Variants in CSRNP3 observed in about 807,000 individuals in gnomAD.
The protein encoded by CSRNP3 is cysteine and serine rich nuclear protein 3, also known as cysteine/serine-rich nuclear protein 3.
CSRNP3 carries 12 observed loss-of-function variants against 48.0 expected under a neutral mutation model. That is an observed-to-expected ratio of 0.25 (90% CI 0.16 to 0.41). The LOEUF (loss-of-function observed/expected upper bound fraction) is 0.41. Ranked by LOEUF, CSRNP3 falls within the 10% of genes least tolerant of loss-of-function variation. The pLI is 1.00. For missense variants in CSRNP3, 580 were observed against 724.4 expected (o/e 0.80, Z 2.29); for synonymous variants, 263 against 269.7 (o/e 0.98, Z 0.24).
chr2:165,578,441 G>C lies in CSRNP3; in HGVS notation c.-23-16602G>C, dbSNP rs971664046. On this transcript the variant is annotated intron_variant, in intron 3 of 6. Transcript: ENST00000651982. ...AAATCTCACTAATATAATATGTTAA[G>C]ATACACAAAGCAGCTAATACCATTT... 5.9e-5 allele frequency among the ~76,000 whole-genome samples: 9 copies of C among 152,114 alleles called. No individual in the cohort carries two copies. The South Asian group carries it at 1.2e-3, about 21-fold the overall frequency.
At chr2:165,560,729 C>G (rs1307705891) in intron 3 of CSRNP3, among the ~76,000 whole-genome samples, 1 of 152,174 alleles carries the variant, frequency 6.6e-6, no homozygotes, top group Admixed American at 6.5e-5. Context: ...GGTGTACTCT[C>G]TAAAAGCAAA....
intron 4 of CSRNP3, among the ~76,000 whole-genome samples, chr2:165,605,623 A>G (rs1310887802): frequency 2.6e-5 from 4 of 152,288 alleles, no homozygotes; most frequent in Admixed American, 2.6e-4. Context: ...CATTTTAAAA[A>G]TATAGATGCA....
chr2:165,612,292 T>C (rs2105310922), intron 4 of CSRNP3, among the ~76,000 whole-genome samples: 1 of 152,194 alleles, frequency 6.6e-6, no homozygotes, highest in East Asian at 1.9e-4. Context: ...AAGAGTACTA[T>C]ATGACCTGCA....
At chr2:165,605,242 C>T (rs530877681) in intron 4 of CSRNP3, among the ~76,000 whole-genome samples, 1 of 152,196 alleles carries the variant, frequency 6.6e-6, no homozygotes, top group Non-Finnish European at 1.5e-5. Context: ...GCCTTCTCTC[C>T]ATCTCCAAAC....
chr2:165,530,290 A>C (rs958048957), intron 3 of CSRNP3, among the ~76,000 whole-genome samples: 1 of 152,132 alleles, frequency 6.6e-6, no homozygotes, highest in African/African-American at 2.4e-5. Flanking sequence ...TCAATTACTA[A>C]TCTGAAAAAA....
intron 1 of CSRNP3, among the ~76,000 whole-genome samples, chr2:165,474,798 G>T (rs1183828850): frequency 1.3e-5 from 2 of 152,136 alleles, no homozygotes; most frequent in African/African-American, 4.8e-5. Context: ...ACAACACAGG[G>T]ATTTTAGAGT....
rs1375817279 is a variant in CSRNP3, at chr2:165,685,486, A to T, written c.*5733A>T. 6.6e-6 allele frequency: 1 copy of T among 152,112 alleles called. No homozygotes were observed. Among genetic ancestry groups the T allele is most frequent in the Non-Finnish European group, 1.5e-5 (1 of 67,986 alleles). 9.4% of individuals were successfully genotyped at this position (152,112 alleles called of 1,614,324 possible). ...GGGAACCAGGAGAGTGAATACGACC[A>T]GATTCAAAGCCTAAAACAATATGTT... On this transcript the variant is annotated 3_prime_UTR_variant, in exon 7 of 7. Transcript: ENST00000651982.
At chr2:165,578,005 C>G (rs1438040315) in intron 3 of CSRNP3, among the ~76,000 whole-genome samples, 3 of 151,950 alleles carry the variant, frequency 2.0e-5, no homozygotes, top group Admixed American at 6.6e-5. Flanking sequence ...TGAAAATTTT[C>G]TTTTGTTAGT....
chr2:165,557,817 C>T (rs1463848866), intron 3 of CSRNP3, among the ~76,000 whole-genome samples: 2 of 152,152 alleles, frequency 1.3e-5, no homozygotes, highest in African/African-American at 4.8e-5. Context: ...AACCTCTGCC[C>T]TTAGGGGCTT....
At chr2:165,593,045 C>A (rs1234737913) in intron 3 of CSRNP3, among the ~76,000 whole-genome samples, 4 of 152,026 alleles carry the variant, frequency 2.6e-5, no homozygotes, top group African/African-American at 9.7e-5. Flanking sequence ...TCGTGATCCG[C>A]CCGCCTCGGC....
At chr2:165,645,188 G>A (rs981797947) in intron 4 of CSRNP3, among the ~76,000 whole-genome samples, 7 of 152,068 alleles carry the variant, frequency 4.6e-5, no homozygotes, top group Admixed American at 2.0e-4. Flanking sequence ...ATAAGAATGA[G>A]CTGGGTGTGG....
At chr2:165,515,930 C>G (rs985662582) in intron 2 of CSRNP3, among the ~76,000 whole-genome samples, 1 of 151,048 alleles carries the variant, frequency 6.6e-6, no homozygotes, top group African/African-American at 2.4e-5. Context: ...TTCAGCCACC[C>G]AAGTAGCTGG....
chr2:165,521,316 A>G (rs1684659467), intron 3 of CSRNP3, among the ~76,000 whole-genome samples: 3 of 152,178 alleles, frequency 2.0e-5, no homozygotes, highest in Non-Finnish European at 4.4e-5. Context: ...CTCATCTGGA[A>G]ACGTCAATGG....
Position 165,686,211 on chromosome 2 carries a change from G to A in CSRNP3, c.*6458G>A, listed in dbSNP as rs1687628254. Reference sequence around the variant, plus strand: ...CTCTTTTAAATTTATCTAGGTACTTGTATCACCAGAGACCTTCATCAAGTC... The same window carrying A: ...CTCTTTTAAATTTATCTAGGTACTTATATCACCAGAGACCTTCATCAAGTC... On this transcript the variant is annotated 3_prime_UTR_variant, in exon 7 of 7. Coordinates refer to ENST00000651982, the MANE Select transcript of CSRNP3 (RefSeq NM_001172173.2). 1 of 151,984 alleles carries A rather than the reference G, an allele frequency of 6.6e-6. No homozygotes were observed. The highest frequency in any genetic ancestry group is 2.4e-5 in the African/African-American group (1 of 41,394). 9.4% of individuals were successfully genotyped at this position (151,984 alleles called of 1,614,324 possible).
At chr2:165,611,643 T>C (rs1686140114) in intron 4 of CSRNP3, among the ~76,000 whole-genome samples, 1 of 152,120 alleles carries the variant, frequency 6.6e-6, no homozygotes, top group South Asian at 2.1e-4. Context: ...TAACATATTT[T>C]AGTTCTCACT....
intron 4 of CSRNP3, among the ~76,000 whole-genome samples, chr2:165,654,226 C>G (rs1047002536): frequency 6.6e-6 from 1 of 152,082 alleles, no homozygotes; most frequent in African/African-American, 2.4e-5. Context: ...GATTACTGGG[C>G]AGATTGTTAA....
chr2:165,614,061 T>G (rs1408553146), intron 4 of CSRNP3, among the ~76,000 whole-genome samples: 1 of 152,174 alleles, frequency 6.6e-6, no homozygotes, highest in Non-Finnish European at 1.5e-5. Context: ...TTGTGTCCTC[T>G]TCAATGTCTT....
chr2:165,480,793 T>A (rs1309892951), intron 1 of CSRNP3, among the ~76,000 whole-genome samples: 1 of 144,614 alleles, frequency 6.9e-6, no homozygotes, highest in Non-Finnish European at 1.5e-5. Context: ...ATATATATAA[T>A]ATATATAATA....
intron 3 of CSRNP3, among the ~76,000 whole-genome samples, chr2:165,538,207 A>C (rs902196491): frequency 6.6e-6 from 1 of 151,946 alleles, no homozygotes; most frequent in Non-Finnish European, 1.5e-5. Flanking sequence ...CCAGTTAATT[A>C]AGCTTTTCTT....
Sources: allele counts gnomAD v4.1 joint callset (sites outside exome capture counted in the v4.1 genomes callset), GRCh38; gene constraint gnomAD v4.1.1; transcripts MANE v1.5; gene names NCBI Gene and HGNC (gene_info 2026-07-23, HGNC 2026-07-21).